The following SLC30A10 variants were observed in gnomAD, a reference collection of about 807,000 sequenced individuals.
The protein encoded by SLC30A10 is solute carrier family 30 member 10.
A neutral mutation model predicts 21.7 loss-of-function variants in SLC30A10; 8 were observed. The observed-to-expected ratio is 0.37, with a 90% CI of 0.22 to 0.67. SLC30A10 has a LOEUF of 0.67. Among genes scored for constraint, SLC30A10 ranks in the 30% least tolerant of loss-of-function variants. SLC30A10 has a pLI of 0.58. For missense variants in SLC30A10, 521 were observed against 642.5 expected (o/e 0.81, Z 2.04); for synonymous variants, 272 against 279.4 (o/e 0.97, Z 0.26).
upstream of SLC30A10, chr1:219,928,597 G>T: frequency 3.4e-6 from 2 of 581,014 alleles, no homozygotes; most frequent in Non-Finnish European, 5.5e-6. This position sits in a 1 kb window ranked among gnomAD's most constrained non-coding sequence, Gnocchi z 6.3. Flanking sequence ...ATAACGCGAG[G>T]CCGAGCGCCA....
intron 1 of SLC30A10, among the ~76,000 whole-genome samples, chr1:219,957,405 T>C (rs1449479904): frequency 1.3e-5 from 2 of 152,184 alleles, no homozygotes; most frequent in South Asian, 4.1e-4. Context: ...TACTCAGTTA[T>C]ATAATGGCCC....
At chr1:219,925,651 A>ATATATATATATATATATATTTT (rs1317554458) in intron 2 of SLC30A10, among the ~76,000 whole-genome samples, 1 of 48,276 alleles carries the variant, frequency 2.1e-5, no homozygotes, top group Non-Finnish European at 3.2e-5. Flanking sequence ...ATATATATAT[A>ATATATATATATATATATATTTT]TTTTTTTTTT....
chr1:219,922,183 T>TTTTTTG (rs1659708298), intron 2 of SLC30A10, among the ~76,000 whole-genome samples: 1 of 12,558 alleles, frequency 8.0e-5, no homozygotes, highest in Non-Finnish European at 1.5e-4. Flanking sequence ...TGTGTTTTTT[T>TTTTTTG]TTTTTTTTTT....
chr1:219,947,300 G>A (rs2102545176), intron 1 of SLC30A10, among the ~76,000 whole-genome samples: 1 of 152,244 alleles, frequency 6.6e-6, no homozygotes, highest in Non-Finnish European at 1.5e-5. Flanking sequence ...AGGCCAAGGT[G>A]GAAGGATTGC....
At chr1:219,916,777 A>T (rs1285863104) in intron 3 of SLC30A10, among the ~76,000 whole-genome samples, 1 of 152,184 alleles carries the variant, frequency 6.6e-6, no homozygotes, top group Non-Finnish European at 1.5e-5. Flanking sequence ...TAACTGCATG[A>T]CGTTAGGCAA....
rs539271108 is a variant in SLC30A10, at chr1:219,927,925, G to T, written c.516C>A (p.Gly172=). Residue 172 remains glycine, a synonymous_variant, in exon 1 of 4, where the codon GGC becomes GGA. Coordinates refer to ENST00000366926, the MANE Select transcript of SLC30A10 (RefSeq NM_018713.3). ...CVPGAFGGPQ[G]AEDPRRAADP... ...CCGCCGCGCGCCGCGGGTCCTCCGC[G>T]CCCTGAGGCCCCCCGAAAGCGCCGG... 5.9e-6 allele frequency: 9 copies of T among 1,537,094 alleles called. No individual in the cohort carries two copies. The highest frequency in any genetic ancestry group is 7.9e-6 in the Non-Finnish European group (9 of 1,141,666).
chr1:219,953,594 C>T (rs1660302754), intron 1 of SLC30A10, among the ~76,000 whole-genome samples: 1 of 150,894 alleles, frequency 6.6e-6, no homozygotes, highest in African/African-American at 2.4e-5. Flanking sequence ...CAGAGTGAGA[C>T]TCCGTCTCAA....
chr1:219,912,409 T>C lies in SLC30A10; in HGVS notation c.*3040A>G, dbSNP rs1659434512. On this transcript the variant is annotated 3_prime_UTR_variant, in exon 4 of 4. Transcript: ENST00000366926. ...AACAGACAGTATTTCCTATGGCCAATGCTAAAATAATGTGGAAAGGACTGT... is the reference window on the plus strand; with the variant it reads ...AACAGACAGTATTTCCTATGGCCAACGCTAAAATAATGTGGAAAGGACTGT... Among the ~76,000 whole-genome samples, 1 of 152,044 alleles carries C rather than the reference T, an allele frequency of 6.6e-6. No homozygotes were observed. Among genetic ancestry groups the C allele is most frequent in the African/African-American group, 2.4e-5 (1 of 41,400 alleles).
intron 1 of SLC30A10, among the ~76,000 whole-genome samples, chr1:219,935,030 A>C (rs1463843972): frequency 1.3e-5 from 2 of 152,238 alleles, no homozygotes; most frequent in African/African-American, 4.8e-5. Flanking sequence ...AACACTTTTC[A>C]TTCAGAGTTC....
chr1:219,955,550 T>C (rs1194991902), intron 1 of SLC30A10, among the ~76,000 whole-genome samples: 5 of 152,198 alleles, frequency 3.3e-5, no homozygotes. Flanking sequence ...CTTACCTATA[T>C]ATAGTTTGTT....
At position 219,914,442 on chromosome 1, in the gene SLC30A10, TAATA is replaced by T. The variant is rs1428492692; in HGVS notation, c.*1003_*1006del. 6.6e-6 allele frequency: 1 copy of T among 152,240 alleles called. No individual in the cohort carries two copies. The allele number at this position is 152,240 out of a possible 1,614,324, so 9.4% of individuals were successfully genotyped here. On this transcript the variant is annotated 3_prime_UTR_variant, in exon 4 of 4. Transcript: ENST00000366926. The stretch of plus-strand genomic sequence containing the variant: ...TCATTGAGTTACTAGTTGACAACTA[TAATA>T]AATACTTTAAAATATGTCTAATTAA...
intron 1 of SLC30A10, among the ~76,000 whole-genome samples, chr1:219,942,580 G>T (rs149928534): frequency 6.6e-6 from 1 of 152,150 alleles, no homozygotes; most frequent in Admixed American, 6.5e-5. Context: ...GTCATGCTAC[G>T]TATGTAATAA....
chr1:219,937,931 TTTG>T (rs1390673105), intron 1 of SLC30A10, among the ~76,000 whole-genome samples: 1 of 152,232 alleles, frequency 6.6e-6, no homozygotes, highest in Non-Finnish European at 1.5e-5. Flanking sequence ...TTCTGTAATG[TTTG>T]TTATCTTTTC....
At position 219,928,029 on chromosome 1, in the gene SLC30A10, C is replaced by T. The variant is rs925375561; in HGVS notation, c.412G>A (p.Ala138Thr). The T allele has an allele frequency of 9.5e-6, 15 of 1,579,508 alleles. No homozygotes were observed. Among genetic ancestry groups the T allele is most frequent in the Non-Finnish European group, 1.3e-5 (15 of 1,164,588 alleles). ...VVGLLIFQDC[A>T]AWFACCLRGR... ...CGGAGGCAGCACGCGAACCAGGCGG[C>T]GCAGTCCTGGAAGATGAGCAGCCCC... Residue 138 changes from alanine (A) to threonine (T), a missense_variant, in exon 1 of 4, where the codon GCC (alanine) becomes ACC (threonine). Physicochemically the swap from Ala to Thr is moderately conservative, Grantham distance 58 (BLOSUM62 0). Transcript: ENST00000366926. This position sits in a 1 kb window ranked among gnomAD's most constrained non-coding sequence, Gnocchi z 6.3.
intron 2 of SLC30A10, among the ~76,000 whole-genome samples, chr1:219,922,581 C>G (rs148545664): frequency 6.6e-6 from 1 of 152,216 alleles, no homozygotes; most frequent in Non-Finnish European, 1.5e-5. Flanking sequence ...CAGACCCTGA[C>G]GCTGTTGCTA....
In SLC30A10 at chr1:219,915,499, G is replaced by A; in HGVS notation, c.1408C>T (p.Leu470Phe). 1 of 1,614,188 alleles carries A rather than the reference G, an allele frequency of 6.2e-7. No homozygotes were observed. The highest frequency in any genetic ancestry group is 8.5e-7 in the Non-Finnish European group (1 of 1,180,044). The change falls in exon 4 of 4, where the codon CTT becomes TTT. Residue 470 changes from leucine (L) to phenylalanine (F), a missense_variant. By Grantham distance (22) the Leu-to-Phe change is conservative. Transcript: ENST00000366926. ...CATTGGTCCTCCTGAGTTTTGTTAAGACTTTGTCCGTGGTCACTCAGACAG... is the reference window on the plus strand; with the variant it reads ...CATTGGTCCTCCTGAGTTTTGTTAAAACTTTGTCCGTGGTCACTCAGACAG... ...DSCLSDHGQS[L>F]NKTQEDQCYV...
chr1:219,917,191 A>G (rs1659564780), intron 3 of SLC30A10, among the ~76,000 whole-genome samples: 2 of 151,856 alleles, frequency 1.3e-5, no homozygotes, highest in East Asian at 3.8e-4. Context: ...AGGCCTCACT[A>G]TGTTGCCCAG....
In SLC30A10 at chr1:219,928,220, T is replaced by C; in HGVS notation, c.221A>G (p.Tyr74Cys). 6.4e-7 allele frequency: 1 copy of C among 1,564,476 alleles called. No homozygotes were observed. The highest frequency in any genetic ancestry group is 1.4e-5 in the African/African-American group (1 of 73,926). ...PTRGFSATYGYARAEVVGALS... is the reference protein window; with the variant it reads ...PTRGFSATYGCARAEVVGALS... ...CGCGCCCACCACCTCGGCGCGGGCGTAGCCGTAGGTGGCGCTGAAGCCCCG... is the reference window on the plus strand; with the variant it reads ...CGCGCCCACCACCTCGGCGCGGGCGCAGCCGTAGGTGGCGCTGAAGCCCCG... The change falls in exon 1 of 4, where the codon TAC becomes TGC. Residue 74 changes from tyrosine (Y) to cysteine (C), a missense_variant. Physicochemically the swap from Tyr to Cys is radical, Grantham distance 194. Coordinates refer to ENST00000366926, the MANE Select transcript of SLC30A10 (RefSeq NM_018713.3). The surrounding 1 kb of genome is among the most constrained non-coding windows in gnomAD (Gnocchi z 6.3).
At chr1:219,927,651 A>AC (rs1337427675) in intron 1 of SLC30A10, 150 bp downstream of exon 1, 13 of 541,964 alleles carry the variant, frequency 2.4e-5, no homozygotes, top group African/African-American at 7.9e-5. Flanking sequence ...AAAAAAAAAA[A>AC]AAAAAAAAAA....
Sources: gnomAD v4.1 joint callset for allele counts (sites outside exome capture counted in the v4.1 genomes callset) on GRCh38, gnomAD v4.1.1 for gene constraint, Gnocchi (gnomAD v3.1) non-coding constraint, MANE v1.5 for transcripts, NCBI Gene and HGNC (gene_info 2026-07-23, HGNC 2026-07-21) for gene names.